Variants in IGSF21 observed in about 807,000 individuals in gnomAD.
The protein encoded by IGSF21 is immunoglobulin superfamily member 21.
IGSF21 carries 28 observed loss-of-function variants against 46.8 expected under a neutral mutation model. That is an observed-to-expected ratio of 0.60 (90% CI 0.44 to 0.82). The LOEUF (loss-of-function observed/expected upper bound fraction) is 0.82, where lower values mean the gene tolerates loss of function less well. Among genes scored for constraint, IGSF21 ranks in the 40% least tolerant of loss-of-function variants. The probability of loss-of-function intolerance (pLI) is 0.00; values close to 1 mark genes in which losing one functional copy is unlikely to be tolerated. For missense variants in IGSF21, 624 were observed against 665.5 expected, an observed-to-expected ratio of 0.94 and a Z score of 0.69; for synonymous variants, 284 against 273.6, an observed-to-expected ratio of 1.04 and a Z score of -0.38.
chr1:18,282,635 T>TAG, intron 2 of IGSF21, among the ~76,000 whole-genome samples: 1 of 137,646 alleles, frequency 7.3e-6, no homozygotes, highest in South Asian at 2.4e-4. Flanking sequence ...TCCCCTTACA[T>TAG]ACACACACAC....
chr1:18,262,709 G>A (rs1412664654), intron 2 of IGSF21, among the ~76,000 whole-genome samples: 3 of 152,188 alleles, frequency 2.0e-5, no homozygotes, highest in Non-Finnish European at 4.4e-5. Context: ...GATCCTCGTT[G>A]CCTTAATAAG....
rs1390289845 is a variant in IGSF21 at position 18,108,197 on chromosome 1, C to T, written c.69C>T (p.Arg23=). The change falls in exon 1 of 10, where the codon CGC becomes CGT. Residue 23 remains arginine (R), a splice_region_variant and synonymous_variant. Coordinates refer to ENST00000251296, the MANE Select transcript of IGSF21 (RefSeq NM_032880.5). ...LLLAAILDLA[R]GYLTVNIEPL... ...TCGCCGCGATCCTGGACCTGGCGCG[C>T]GGTGAGTGCGCGGGCGCCTGGCGGG... is the stretch of plus-strand genomic sequence containing the variant. 2.1e-6 allele frequency: 3 copies of T among 1,426,952 alleles called. No homozygotes were observed. Among genetic ancestry groups the T allele is most frequent in the Non-Finnish European group, 2.7e-6 (3 of 1,091,768 alleles). 88.4% of individuals were successfully genotyped at this position (1,426,952 alleles called of 1,614,324 possible). A position where few individuals can be genotyped will look rare whatever the true frequency, so the allele number is the denominator to read the frequency against.
chr1:18,314,692 CA>C (rs900617685), intron 3 of IGSF21, among the ~76,000 whole-genome samples: 1 of 152,182 alleles, frequency 6.6e-6, no homozygotes, highest in African/African-American at 2.4e-5. Flanking sequence ...GGTCTCGTGC[CA>C]AAGCCTTCGT....
At chr1:18,213,861 TTTTC>T (rs2084417218) in intron 1 of IGSF21, among the ~76,000 whole-genome samples, 1 of 152,110 alleles carries the variant, frequency 6.6e-6, no homozygotes, top group Admixed American at 6.5e-5. Context: ...CTAAGGAAGC[TTTTC>T]CCTAGTCTCA....
intron 1 of IGSF21, chr1:18,111,222 C>G (rs1354472490): frequency 6.6e-6 from 1 of 152,258 alleles, no homozygotes; most frequent in Admixed American, 6.5e-5. Flanking sequence ...GTTAAGGGCC[C>G]TAATCCCTTG....
At chr1:18,369,969 A>G (rs1324833388) in intron 6 of IGSF21, among the ~76,000 whole-genome samples, 1 of 152,124 alleles carries the variant, frequency 6.6e-6, no homozygotes, top group Non-Finnish European at 1.5e-5. Flanking sequence ...TCAAACCAGA[A>G]GCCTTGCAGA....
chr1:18,140,025 C>T (rs1427329776), intron 1 of IGSF21, among the ~76,000 whole-genome samples: 1 of 152,196 alleles, frequency 6.6e-6, no homozygotes, highest in East Asian at 1.9e-4. Flanking sequence ...CGGCTCACTG[C>T]AGCCTCAACC....
chr1:18,359,251 C>G (rs1450876978), intron 4 of IGSF21, among the ~76,000 whole-genome samples: 4 of 145,704 alleles, frequency 2.7e-5, no homozygotes, highest in Non-Finnish European at 4.5e-5. Flanking sequence ...TCACTCCAGC[C>G]TGGGTAACAG....
At chr1:18,282,650 A>T (rs2124557293) in intron 2 of IGSF21, among the ~76,000 whole-genome samples, 1 of 151,808 alleles carries the variant, frequency 6.6e-6, no homozygotes, top group East Asian at 1.9e-4. Context: ...ACACACACAC[A>T]CACACACACA....
At chr1:18,124,485 G>T (rs2086259121) in intron 1 of IGSF21, among the ~76,000 whole-genome samples, 2 of 152,150 alleles carry the variant, frequency 1.3e-5, no homozygotes, top group African/African-American at 4.8e-5. Context: ...TGTACTCTCT[G>T]CCTTCTTGCT....
chr1:18,151,473 A>C (rs2086521766), intron 1 of IGSF21, among the ~76,000 whole-genome samples: 1 of 152,214 alleles, frequency 6.6e-6, no homozygotes, highest in Non-Finnish European at 1.5e-5. Flanking sequence ...GCTCTGACCT[A>C]GAGTTTCAAG....
At chr1:18,167,125 C>A (rs2086687231) in intron 1 of IGSF21, 1 of 152,598 alleles carries the variant, frequency 6.6e-6, no homozygotes. Context: ...GATGTTCACG[C>A]TACACATCGC....
intron 1 of IGSF21, among the ~76,000 whole-genome samples, chr1:18,125,393 C>T (rs1324060655): frequency 6.6e-6 from 1 of 152,178 alleles, no homozygotes; most frequent in Non-Finnish European, 1.5e-5. Context: ...TGGTGCAGGG[C>T]AGGTATCAGT....
intron 1 of IGSF21, among the ~76,000 whole-genome samples, chr1:18,128,788 C>CTGTGTGTGTG (rs10534606): frequency 2.7e-5 from 4 of 149,658 alleles, no homozygotes; most frequent in African/African-American, 7.4e-5. Flanking sequence ...TGCTCATTCG[C>CTGTGTGTGTG]TGTGTGTGTG....
intron 7 of IGSF21, 116 bp from the exon 8 acceptor site, chr1:18,376,684 C>A: frequency 9.9e-7 from 1 of 1,010,560 alleles, no homozygotes. Context: ...GGCAGCCACT[C>A]CTAACCCGTC....
chr1:18,108,319 G>A (rs979105409), intron 1 of IGSF21, 121 bp downstream of exon 1: 1 of 1,068,166 alleles, frequency 9.4e-7, no homozygotes, highest in African/African-American at 1.7e-5. Flanking sequence ...GGTCCTGCCC[G>A]GGGTCTGTGG....
intron 3 of IGSF21, among the ~76,000 whole-genome samples, chr1:18,292,287 G>A (rs1314055033): frequency 6.6e-6 from 1 of 152,244 alleles, no homozygotes; most frequent in Non-Finnish European, 1.5e-5. Context: ...AGATACTGAG[G>A]CCCAGAGAGG....
chr1:18,361,852 T>C (rs1392726209), intron 4 of IGSF21: 1 of 393,284 alleles, frequency 2.5e-6, no homozygotes, highest in Non-Finnish European at 4.6e-6. Context: ...CACTTCACAC[T>C]TTGATCTGTG....
At chr1:18,242,501 T>C (rs530509472) in intron 2 of IGSF21, among the ~76,000 whole-genome samples, 17 of 152,338 alleles carry the variant, frequency 1.1e-4, no homozygotes, top group South Asian at 2.1e-4. Flanking sequence ...GTAACTCAAA[T>C]GAGTCTAAAC....
Sources: gnomAD v4.1 joint callset for allele counts (sites outside exome capture counted in the v4.1 genomes callset) on GRCh38, gnomAD v4.1.1 for gene constraint, MANE v1.5 for transcripts, NCBI Gene and HGNC (gene_info 2026-07-23, HGNC 2026-07-21) for gene names.